GALNT12: variants seen among roughly 807,000 people sequenced by gnomAD.
GALNT12 encodes the protein polypeptide N-acetylgalactosaminyltransferase 12.
Under a neutral mutation model 55.5 loss-of-function variants are expected in GALNT12, and 45 were observed. The ratio of observed to expected loss-of-function variants is 0.81; its 90% CI spans 0.64 to 1.04. The LOEUF is 1.04. GALNT12 is among the 50% of genes least tolerant of loss of function. GALNT12 has a pLI of 0.00. For missense variants in GALNT12, 709 were observed against 754.8 expected (o/e 0.94, Z 0.71); for synonymous variants, 304 against 312.2 (o/e 0.97, Z 0.28).
chr9:98,848,758 G>A (rs1735960575), intron 9 of GALNT12, 194 bp from the exon 10 acceptor site: 1 of 657,318 alleles, frequency 1.5e-6, no homozygotes, highest in Non-Finnish European at 2.7e-6. Flanking sequence ...TGAGAGGCAA[G>A]CGGGACGCAG....
At chr9:98,843,418 G>A (rs1182571360) in intron 7 of GALNT12, among the ~76,000 whole-genome samples, 1 of 147,734 alleles carries the variant, frequency 6.8e-6, no homozygotes, top group Non-Finnish European at 1.5e-5. Flanking sequence ...TTTTTTTGGT[G>A]GTGGGGAGGA....
At position 98,849,487 on chromosome 9, in the gene GALNT12, A is replaced by G. The variant is rs1383318979; in HGVS notation, c.*395A>G. The G allele has an allele frequency of 3.8e-6, 2 of 523,268 alleles. No individual in the cohort carries two copies. Among genetic ancestry groups the G allele is most frequent in the Admixed American group, 3.7e-5 (1 of 27,074 alleles). 32.4% of individuals were successfully genotyped at this position (523,268 alleles called of 1,614,324 possible). A position where few individuals can be genotyped will look rare whatever the true frequency, so the allele number is the denominator to read the frequency against. On this transcript the variant is annotated 3_prime_UTR_variant, in exon 10 of 10. Coordinates refer to ENST00000375011, the MANE Select transcript of GALNT12 (RefSeq NM_024642.5). ...AATTCCCAGGTACGAAGATATCTGCATGGGTGGAAATCAGGTTCAAGCAAC... is the reference window on the plus strand; with the variant it reads ...AATTCCCAGGTACGAAGATATCTGCGTGGGTGGAAATCAGGTTCAAGCAAC...
At chr9:98,828,934 A>AT (rs1224819104) in intron 3 of GALNT12, among the ~76,000 whole-genome samples, 1 of 151,918 alleles carries the variant, frequency 6.6e-6, no homozygotes, top group Non-Finnish European at 1.5e-5. Context: ...AGTTCAAGTG[A>AT]TTCTCCTGCC....
intron 1 of GALNT12, among the ~76,000 whole-genome samples, chr9:98,814,137 T>A (rs1835560894): frequency 1.3e-5 from 2 of 152,190 alleles, no homozygotes; most frequent in Non-Finnish European, 2.9e-5. Context: ...GCATGTAACC[T>A]TCCCAGGGGT....
chr9:98,835,569 T>C (rs1349287231), intron 5 of GALNT12, among the ~76,000 whole-genome samples: 1 of 152,172 alleles, frequency 6.6e-6, no homozygotes, highest in Non-Finnish European at 1.5e-5. Flanking sequence ...AGTCACATAG[T>C]TCTCTCTCAC....
intron 7 of GALNT12, among the ~76,000 whole-genome samples, chr9:98,841,703 T>C (rs1318597660): frequency 1.3e-5 from 2 of 151,744 alleles, no homozygotes; most frequent in African/African-American, 4.8e-5. Flanking sequence ...AAAGTCTTGC[T>C]CTTGTCCCCC....
Position 98,826,678 on chromosome 9 carries a change from A to G in GALNT12, c.542-74A>G. On this transcript the variant is annotated intron_variant, in intron 2 of 9. Coordinates refer to ENST00000375011, the MANE Select transcript of GALNT12 (RefSeq NM_024642.5). ...TTCTGTTTGGGACAGGGAGGCCCAG[A>G]AGGCCCCGGGTTGGGATGAGGCGCT... 13 of 1,454,794 alleles carry G rather than the reference A, an allele frequency of 8.9e-6. No homozygotes were observed. The South Asian group carries it at 1.6e-4, about 18-fold the overall frequency. 90.1% of individuals were successfully genotyped at this position (1,454,794 alleles called of 1,614,324 possible).
intron 1 of GALNT12, among the ~76,000 whole-genome samples, chr9:98,815,967 T>A (rs1317676878): frequency 6.6e-6 from 1 of 152,208 alleles, no homozygotes; most frequent in East Asian, 1.9e-4. Flanking sequence ...ATTTTGTTGT[T>A]TTACGTGGTG....
intron 1 of GALNT12, among the ~76,000 whole-genome samples, chr9:98,813,202 G>C (rs926892881): frequency 2.6e-5 from 4 of 152,128 alleles, no homozygotes; most frequent in African/African-American, 9.7e-5. Flanking sequence ...TTTTGCTCTT[G>C]TTCATGAAAG....
chr9:98,819,634 T>C (rs1241871684), intron 1 of GALNT12, among the ~76,000 whole-genome samples: 1 of 152,148 alleles, frequency 6.6e-6, no homozygotes, highest in Non-Finnish European at 1.5e-5. Context: ...CTGTAGAGGC[T>C]GTCCTGGCAT....
At chr9:98,846,720 T>C (rs980928303) in intron 9 of GALNT12, among the ~76,000 whole-genome samples, 2 of 151,264 alleles carry the variant, frequency 1.3e-5, no homozygotes, top group Admixed American at 6.6e-5. Flanking sequence ...TAGCCAGGTG[T>C]GGTGGCATGC....
At chr9:98,825,940 A>T (rs1835846842) in intron 2 of GALNT12, among the ~76,000 whole-genome samples, 1 of 151,796 alleles carries the variant, frequency 6.6e-6, no homozygotes, top group African/African-American at 2.4e-5. Flanking sequence ...ATGCCACTGC[A>T]CTCTAGCCTG....
chr9:98,826,831 C>T lies in GALNT12; in HGVS notation c.621C>T (p.Gly207=), dbSNP rs374409845. ...TGATCCGCGCCAACAAGAGAGAGGGCCTGGTGCGAGCCCGGCTGCTGGGGG... is the reference window on the plus strand; with the variant it reads ...TGATCCGCGCCAACAAGAGAGAGGGTCTGGTGCGAGCCCGGCTGCTGGGGG... ...VRLIRANKRE[G]LVRARLLGAS... Residue 207 remains glycine (G), a synonymous_variant, in exon 3 of 10, where the codon GGC becomes GGT. Coordinates refer to ENST00000375011, the MANE Select transcript of GALNT12 (RefSeq NM_024642.5). The T allele has an allele frequency of 3.1e-6, 5 of 1,611,372 alleles. No homozygotes were observed. The highest frequency in any genetic ancestry group is 4.2e-6 in the Non-Finnish European group (5 of 1,179,378).
intron 6 of GALNT12, among the ~76,000 whole-genome samples, chr9:98,837,866 C>T (rs147251216): frequency 2.6e-5 from 4 of 152,262 alleles, no homozygotes; most frequent in African/African-American, 9.6e-5. Context: ...TTAGAAAACA[C>T]CACAAGTATT....
At chr9:98,825,806 G>C (rs1212039793) in intron 2 of GALNT12, among the ~76,000 whole-genome samples, 1 of 151,810 alleles carries the variant, frequency 6.6e-6, no homozygotes, top group African/African-American at 2.4e-5. Flanking sequence ...AAGACCCTAT[G>C]TCTACAAAAA....
rs1836010780 is a variant in GALNT12, at chr9:98,831,974, T to C, written c.917+17T>C. 1 of 1,607,674 alleles carries C rather than the reference T, an allele frequency of 6.2e-7. No homozygotes were observed. The highest frequency in any genetic ancestry group is 8.5e-7 in the Non-Finnish European group (1 of 1,175,250). ...TGTCATCAGGTCAGGAGCTGACTTC[T>C]GGGTGACTTGTTTTTTAAGCATGCC... On this transcript the variant is annotated intron_variant, in intron 4 of 9. Coordinates refer to ENST00000375011, the MANE Select transcript of GALNT12 (RefSeq NM_024642.5).
chr9:98,849,803 G>A lies in GALNT12; in HGVS notation c.*711G>A, dbSNP rs1027593348. 1 of 388,874 alleles carries A rather than the reference G, an allele frequency of 2.6e-6. No individual in the cohort carries two copies. The highest frequency in any genetic ancestry group is 3.7e-5 in the East Asian group (1 of 27,304). 24.1% of individuals were successfully genotyped at this position (388,874 alleles called of 1,614,324 possible). On this transcript the variant is annotated 3_prime_UTR_variant, in exon 10 of 10. Coordinates refer to ENST00000375011, the MANE Select transcript of GALNT12 (RefSeq NM_024642.5). Reference sequence around the variant, plus strand: ...ACAATGCCGCACTGTAGTGTGGCTGGTTCTACCACTATGACTTTAAAACAT... The same window carrying A: ...ACAATGCCGCACTGTAGTGTGGCTGATTCTACCACTATGACTTTAAAACAT...
chr9:98,830,173 G>A (rs890821362), intron 3 of GALNT12, among the ~76,000 whole-genome samples: 2 of 152,286 alleles, frequency 1.3e-5, no homozygotes, highest in South Asian at 4.1e-4. Flanking sequence ...TGGGGCTGGG[G>A]CCTCGGCTTC....
At chr9:98,824,578 G>A (rs1459105693) in intron 2 of GALNT12, among the ~76,000 whole-genome samples, 1 of 152,164 alleles carries the variant, frequency 6.6e-6, no homozygotes, top group East Asian at 1.9e-4. Flanking sequence ...AAGGCACAAG[G>A]AGCAGTGTCT....
Sources: gnomAD v4.1 joint callset for allele counts (sites outside exome capture counted in the v4.1 genomes callset) on GRCh38, gnomAD v4.1.1 for gene constraint, MANE v1.5 for transcripts, NCBI Gene and HGNC (gene_info 2026-07-23, HGNC 2026-07-21) for gene names.